Variants in RCBTB1 observed in about 807,000 individuals in gnomAD.
RCBTB1 encodes RCC1 and BTB domain-containing protein 1.
Under a neutral mutation model 62.4 loss-of-function variants are expected in RCBTB1, and 46 were observed. That is an observed-to-expected ratio of 0.74 (90% CI 0.58 to 0.94). The LOEUF (loss-of-function observed/expected upper bound fraction) is 0.94. Among genes scored for constraint, RCBTB1 ranks in the 40% least tolerant of loss-of-function variants. The probability of loss-of-function intolerance (pLI) is 0.00; values close to 1 mark genes in which losing one functional copy is unlikely to be tolerated. For synonymous variants in RCBTB1, 222 were observed against 245.8 expected, an observed-to-expected ratio of 0.90 and a Z score of 0.91; for missense variants, 565 against 654.9, an observed-to-expected ratio of 0.86 and a Z score of 1.50.
rs751301076 is a variant in RCBTB1 at position 49,541,813 on chromosome 13, C to T, written c.1187G>A (p.Arg396Gln). 5.6e-6 allele frequency: 9 copies of T among 1,611,368 alleles called. No homozygotes were observed. Among genetic ancestry groups the T allele is most frequent in the Middle Eastern group, 1.7e-4 (1 of 6,036 alleles). ...AVLKIRCEHF[R>Q]SMFQSYWNED... ...ATTCCAATACGACTGGAACATGGAT[C>T]GAAAATGCTCACACCTAAAACAGCA... is the stretch of plus-strand genomic sequence containing the variant. Residue 396 changes from arginine (R) to glutamine (Q), a missense_variant, in exon 11 of 13, where the codon CGA (arginine) becomes CAA (glutamine). Arg to Gln is a conservative substitution (Grantham distance 43, BLOSUM62 1). Coordinates refer to ENST00000378302, the MANE Select transcript of RCBTB1 (RefSeq NM_018191.4).
intron 6 of RCBTB1, among the ~76,000 whole-genome samples, chr13:49,553,648 T>C (rs561602847): frequency 6.6e-6 from 1 of 152,220 alleles, no homozygotes; most frequent in East Asian, 1.9e-4. Context: ...AGATTTGTGG[T>C]GGCATCGAGC....
intron 8 of RCBTB1, among the ~76,000 whole-genome samples, chr13:49,550,626 A>G (rs1172738831): frequency 6.6e-6 from 1 of 152,208 alleles, no homozygotes; most frequent in Non-Finnish European, 1.5e-5. Context: ...AAAAGTTTAT[A>G]TTACACCATA....
intron 12 of RCBTB1, among the ~76,000 whole-genome samples, chr13:49,537,443 C>T (rs1329962905): frequency 1.3e-5 from 2 of 152,134 alleles, no homozygotes; most frequent in Admixed American, 6.5e-5. Context: ...AAGAAAAAAA[C>T]GCTGGCCACC....
intron 1 of RCBTB1, among the ~76,000 whole-genome samples, chr13:49,585,037 A>G (rs1964315731): frequency 6.6e-6 from 1 of 152,204 alleles, no homozygotes; most frequent in South Asian, 2.1e-4. Flanking sequence ...GAGACGAAGG[A>G]GAGATGCTAA....
intron 2 of RCBTB1, among the ~76,000 whole-genome samples, chr13:49,571,510 T>G (rs1323860668): frequency 6.6e-6 from 1 of 152,152 alleles, no homozygotes; most frequent in Non-Finnish European, 1.5e-5. Context: ...TCCTCGGAGC[T>G]CACAACATAC....
intron 2 of RCBTB1, among the ~76,000 whole-genome samples, chr13:49,571,066 G>A (rs896836057): frequency 6.6e-6 from 1 of 152,184 alleles, no homozygotes; most frequent in Non-Finnish European, 1.5e-5. Flanking sequence ...AAGTATCCAG[G>A]CCGGGCGGGG....
chr13:49,580,861 A>G (rs1287555543), intron 1 of RCBTB1, among the ~76,000 whole-genome samples: 1 of 152,240 alleles, frequency 6.6e-6, no homozygotes, highest in East Asian at 1.9e-4. Flanking sequence ...TAAACAGGAC[A>G]CAGAGCCAAC....
At chr13:49,542,686 C>T (rs892035597) in intron 10 of RCBTB1, among the ~76,000 whole-genome samples, 1 of 151,232 alleles carries the variant, frequency 6.6e-6, no homozygotes, top group African/African-American at 2.4e-5. Flanking sequence ...TCTGACTTAT[C>T]GTCAAAACAG....
chr13:49,552,307 A>G, intron 6 of RCBTB1, 22 bp from the exon 7 acceptor site: 1 of 1,503,808 alleles, frequency 6.6e-7, no homozygotes. Flanking sequence ...CAGAAGGGAG[A>G]GAGTGAGATT....
At position 49,541,719 on chromosome 13, in the gene RCBTB1, G is replaced by C. The variant is rs1960379171; in HGVS notation, c.1281C>G (p.Tyr427Ter). Reference sequence around the variant, plus strand: ...GCAGGTCGACTGTGTCTGTGTAGAGGTACTGGAGAAAGGCACGATACACTG... The same window carrying C: ...GCAGGTCGACTGTGTCTGTGTAGAGCTACTGGAGAAAGGCACGATACACTG... ...SYPVYRAFLQ[Y>*]LYTDTVDLPP... The change falls in exon 11 of 13, where the codon TAC becomes TAG. Residue 427 changes from tyrosine (Y) to a stop codon, truncating the protein, a stop_gained. Coordinates refer to ENST00000378302, the MANE Select transcript of RCBTB1 (RefSeq NM_018191.4). LOFTEE classifies it high-confidence loss of function. 6.2e-7 allele frequency: 1 copy of C among 1,613,872 alleles called. No individual in the cohort carries two copies. The highest frequency in any genetic ancestry group is 8.5e-7 in the Non-Finnish European group (1 of 1,179,992).
intron 12 of RCBTB1, chr13:49,537,800 C>A (rs1317641820): frequency 1.3e-5 from 2 of 152,154 alleles, no homozygotes; most frequent in African/African-American, 4.8e-5. Context: ...TTTGTGAAGT[C>A]CTTCTTAATA....
intron 5 of RCBTB1, among the ~76,000 whole-genome samples, chr13:49,558,147 C>G (rs373300707): frequency 6.6e-5 from 10 of 152,330 alleles, no homozygotes; most frequent in African/African-American, 2.4e-4. Flanking sequence ...TCTCTGGGTA[C>G]TCTGATTTCC....
intron 9 of RCBTB1, among the ~76,000 whole-genome samples, chr13:49,548,236 A>G (rs906070222): frequency 2.7e-5 from 4 of 149,828 alleles, no homozygotes; most frequent in Admixed American, 6.6e-5. Flanking sequence ...CTAAAAATAT[A>G]AAAAAATTAG....
intron 1 of RCBTB1, among the ~76,000 whole-genome samples, chr13:49,581,517 C>T (rs530474059): frequency 3.5e-4 from 53 of 152,256 alleles, no homozygotes; most frequent in African/African-American, 1.3e-3. Flanking sequence ...CAAGTCCCAA[C>T]AGATGGATTT....
intron 5 of RCBTB1, among the ~76,000 whole-genome samples, chr13:49,556,886 T>A (rs991611051): frequency 1.3e-5 from 2 of 152,240 alleles, no homozygotes; most frequent in Non-Finnish European, 2.9e-5. Flanking sequence ...CGGCATAAAT[T>A]AGCAAGTTTG....
chr13:49,545,969 C>G (rs989657116), intron 9 of RCBTB1: 15 of 402,882 alleles, frequency 3.7e-5, no homozygotes, highest in African/African-American at 3.3e-4. Context: ...TAACTGACAG[C>G]CCTCCCTCCA....
At chr13:49,549,393 A>G (rs1961122043) in intron 9 of RCBTB1, 65 bp downstream of exon 9, 2 of 1,472,200 alleles carry the variant, frequency 1.4e-6, no homozygotes, top group African/African-American at 1.4e-5. Context: ...CAGCAAAGAC[A>G]CAGGAAAACT....
At chr13:49,564,856 A>G (rs1314088977) in intron 4 of RCBTB1, among the ~76,000 whole-genome samples, 1 of 151,646 alleles carries the variant, frequency 6.6e-6, no homozygotes, top group Admixed American at 6.6e-5. Flanking sequence ...GCACCACTGC[A>G]CTCCAGCCTG....
rs541403351 is a variant in RCBTB1, at chr13:49,542,052, T to C, written c.1173-225A>G. Reference sequence around the variant, plus strand: ...CAACATGGATAAACCCCGTCTCTACTAAAAATACAAAATTAGCTGGGCATG... The same window carrying C: ...CAACATGGATAAACCCCGTCTCTACCAAAAATACAAAATTAGCTGGGCATG... On this transcript the variant is annotated intron_variant, in intron 10 of 12. Transcript: ENST00000378302. Among the ~76,000 whole-genome samples, 22 of 151,996 alleles carry C rather than the reference T, an allele frequency of 1.4e-4. No individual in the cohort carries two copies. The East Asian group carries it at 4.1e-3, about 28-fold the overall frequency.
Sources: gnomAD v4.1 joint callset for allele counts (sites outside exome capture counted in the v4.1 genomes callset) on GRCh38, gnomAD v4.1.1 for gene constraint, MANE v1.5 for transcripts, NCBI Gene and HGNC (gene_info 2026-07-23, HGNC 2026-07-21) for gene names.